Variants in PDE8B observed in about 807,000 individuals in gnomAD.
PDE8B encodes high affinity cAMP-specific and IBMX-insensitive 3',5'-cyclic phosphodiesterase 8B.
Under a neutral mutation model 101.3 loss-of-function variants are expected in PDE8B, and 26 were observed. The ratio of observed to expected loss-of-function variants is 0.26; its 90% confidence interval spans 0.19 to 0.36. The LOEUF is 0.36. Ranked by LOEUF, PDE8B falls within the 10% of genes least tolerant of loss-of-function variation. The pLI is 1.00. For missense variants in PDE8B, 810 were observed against 1,163.1 expected, an observed-to-expected ratio of 0.70 and a Z score of 4.42; for synonymous variants, 424 against 429.3, an observed-to-expected ratio of 0.99 and a Z score of 0.15.
the PDE8B span, among the ~76,000 whole-genome samples, chr5:77,094,896 A>G: frequency 6.6e-6 from 1 of 152,168 alleles, no homozygotes; most frequent in Non-Finnish European, 1.5e-5. Context: ...TCTATTTTTG[A>G]GGGATCTGCC....
intron 1 of PDE8B, among the ~76,000 whole-genome samples, chr5:77,263,778 G>C (rs11960749): frequency 0.36 from 54,156 of 151,944 alleles, 11,076 homozygotes; most frequent in African/African-American, 0.57. Context: ...TTTATAGCAA[G>C]TTTATTGAGA....
upstream of PDE8B, among the ~76,000 whole-genome samples, chr5:77,209,624 G>T (rs563812751): frequency 7.9e-5 from 12 of 152,262 alleles, no homozygotes; most frequent in African/African-American, 2.9e-4. Flanking sequence ...CCTTCTAAAG[G>T]CATTCTTCCT....
At chr5:77,218,657 A>G (rs1257336372) in intron 1 of PDE8B, among the ~76,000 whole-genome samples, 1 of 152,148 alleles carries the variant, frequency 6.6e-6, no homozygotes, top group Non-Finnish European at 1.5e-5. Context: ...CTTGAACTAG[A>G]GTGTTTTGAA....
intron 21 of PDE8B, 155 bp from the exon 22 acceptor site, chr5:77,426,290 T>C: frequency 3.0e-6 from 2 of 673,960 alleles, no homozygotes; most frequent in Non-Finnish European, 5.4e-6. Flanking sequence ...TGTTTGCATT[T>C]CAGAAACTAG....
intron 3 of PDE8B, among the ~76,000 whole-genome samples, chr5:77,326,950 C>T (rs1776162622): frequency 6.6e-6 from 1 of 152,200 alleles, no homozygotes; most frequent in Admixed American, 6.5e-5. Flanking sequence ...ATAAGCTTTA[C>T]ATTTTTCTTT....
At chr5:77,129,634 A>C in the PDE8B span, among the ~76,000 whole-genome samples, 1 of 152,122 alleles carries the variant, frequency 6.6e-6, no homozygotes, top group Non-Finnish European at 1.5e-5. Context: ...GTTTCACAGT[A>C]ATTTGCTGTG....
chr5:77,345,002 C>G, intron 7 of PDE8B, 71 bp downstream of exon 7: 1 of 971,718 alleles, frequency 1.0e-6, no homozygotes, highest in South Asian at 1.3e-5. Context: ...CACTTTTTAT[C>G]AAGTACTTTC....
At position 77,332,619 on chromosome 5, in the gene PDE8B, C is replaced by A. The variant is rs539638306; in HGVS notation, c.708+1160C>A. Among the ~76,000 whole-genome samples, 5 of 152,246 alleles carry A rather than the reference C, an allele frequency of 3.3e-5. No homozygotes were observed. In the East Asian group the frequency reaches 9.7e-4, roughly 29 times the overall value. On this transcript the variant is annotated intron_variant, in intron 5 of 21. Transcript: ENST00000264917. ...TTGGGAGGCCAAGGCAGGCAGATCA[C>A]CTGAGGTTGGGAGTTCGAGACCAGC...
intron 1 of PDE8B, among the ~76,000 whole-genome samples, chr5:77,276,778 G>A (rs1763934462): frequency 6.6e-6 from 1 of 152,184 alleles, no homozygotes; most frequent in Non-Finnish European, 1.5e-5. Flanking sequence ...CTGGATGAGA[G>A]TATTCCTTAA....
intron 10 of PDE8B, among the ~76,000 whole-genome samples, chr5:77,386,014 C>T (rs1279711007): frequency 6.6e-6 from 1 of 152,104 alleles, no homozygotes; most frequent in Non-Finnish European, 1.5e-5. Context: ...GTCTCAAACT[C>T]CTGACCTTGT....
chr5:77,426,590 G>A lies in PDE8B; in HGVS notation c.*36G>A. The A allele has an allele frequency of 9.2e-7, 1 of 1,089,062 alleles. No individual in the cohort carries two copies. Among genetic ancestry groups the A allele is most frequent in the Non-Finnish European group, 1.4e-6 (1 of 702,900 alleles). 67.5% of individuals were successfully genotyped at this position (1,089,062 alleles called of 1,614,324 possible). A position where few individuals can be genotyped will look rare whatever the true frequency, so the allele number is the denominator to read the frequency against. On this transcript the variant is annotated 3_prime_UTR_variant, in exon 22 of 22. Coordinates refer to ENST00000264917, the MANE Select transcript of PDE8B (RefSeq NM_003719.5). ...CAGAGGGGGCCTCTTGACCGACAAA[G>A]GACACTGTGAATCACAGTAGCGTAA...
At position 77,426,893 on chromosome 5, in the gene PDE8B, C is replaced by T. The variant is rs1368845373; in HGVS notation, c.*339C>T. 2.9e-6 allele frequency: 1 copy of T among 341,504 alleles called. No individual in the cohort carries two copies. Among genetic ancestry groups the T allele is most frequent in the Non-Finnish European group, 5.6e-6 (1 of 177,940 alleles). 21.2% of individuals were successfully genotyped at this position (341,504 alleles called of 1,614,324 possible). ...AAAGCCTTGGTGCCTGTGAGCTCATCTCCCAGGATGGTGACTAAGTAGCTT... is the reference window on the plus strand; with the variant it reads ...AAAGCCTTGGTGCCTGTGAGCTCATTTCCCAGGATGGTGACTAAGTAGCTT... On this transcript the variant is annotated 3_prime_UTR_variant, in exon 22 of 22. Coordinates refer to ENST00000264917, the MANE Select transcript of PDE8B (RefSeq NM_003719.5).
intron 1 of PDE8B, among the ~76,000 whole-genome samples, chr5:77,239,458 G>C (rs930038455): frequency 2.0e-5 from 3 of 152,116 alleles, no homozygotes; most frequent in African/African-American, 7.2e-5. Context: ...ACAACCTATG[G>C]CTTCGATTTT....
chr5:77,307,441 C>T (rs191283714), intron 1 of PDE8B, among the ~76,000 whole-genome samples: 9 of 152,262 alleles, frequency 5.9e-5, no homozygotes, highest in African/African-American at 1.7e-4. Context: ...GAGTGATAGA[C>T]GTTTACAGAT....
At chr5:77,235,240 C>T (rs1037786720) in intron 1 of PDE8B, among the ~76,000 whole-genome samples, 2 of 152,136 alleles carry the variant, frequency 1.3e-5, no homozygotes, top group African/African-American at 4.8e-5. Flanking sequence ...TTGAGGAAAC[C>T]CCAAGTTGGG....
At chr5:77,228,779 A>AT (rs1752957090) in intron 1 of PDE8B, among the ~76,000 whole-genome samples, 1 of 152,140 alleles carries the variant, frequency 6.6e-6, no homozygotes, top group African/African-American at 2.4e-5. Flanking sequence ...CACAGGGAGG[A>AT]TTTTAAACAG....
chr5:77,288,447 T>G (rs1418496579), intron 1 of PDE8B, among the ~76,000 whole-genome samples: 1 of 152,262 alleles, frequency 6.6e-6, no homozygotes, highest in Non-Finnish European at 1.5e-5. Context: ...TCTGATACTT[T>G]CAAATAGATT....
chr5:77,257,489 T>C (rs1047468361), intron 1 of PDE8B, among the ~76,000 whole-genome samples: 25 of 152,198 alleles, frequency 1.6e-4, no homozygotes, highest in African/African-American at 5.8e-4. Flanking sequence ...ATTATCATTT[T>C]ATAATTTAAA....
upstream of PDE8B, among the ~76,000 whole-genome samples, chr5:77,205,598 A>C (rs569280232): frequency 1.6e-4 from 25 of 152,362 alleles, 1 homozygote; most frequent in South Asian, 5.0e-3. Flanking sequence ...GGAAATCCAT[A>C]AAAGGAAATA....
Sources: allele counts gnomAD v4.1 joint callset (sites outside exome capture counted in the v4.1 genomes callset), GRCh38; gene constraint gnomAD v4.1.1; transcripts MANE v1.5; gene names NCBI Gene and HGNC (gene_info 2026-07-23, HGNC 2026-07-21).